Variants in EPHX2 observed in about 807,000 individuals in gnomAD.
EPHX2 encodes bifunctional epoxide hydrolase 2.
Under a neutral mutation model 78.7 loss-of-function variants are expected in EPHX2, and 74 were observed. That is an observed-to-expected ratio of 0.94 (90% CI 0.78 to 1.14). EPHX2 has a LOEUF of 1.14. Among genes scored for constraint, EPHX2 ranks in the 50% most tolerant of loss-of-function variants. EPHX2 has a pLI of 0.00. For synonymous variants in EPHX2, 251 were observed against 255.2 expected, an observed-to-expected ratio of 0.98 and a Z score of 0.16; for missense variants, 715 against 702.5, an observed-to-expected ratio of 1.02 and a Z score of -0.20.
At chr8:27,496,013 T>C (rs1285019158) in intron 1 of EPHX2, among the ~76,000 whole-genome samples, 1 of 152,168 alleles carries the variant, frequency 6.6e-6, no homozygotes, top group Non-Finnish European at 1.5e-5. Context: ...TATCTGGGGA[T>C]CCATAGTCGG....
At chr8:27,507,531 C>A (rs1043764684) in intron 5 of EPHX2, among the ~76,000 whole-genome samples, 1 of 152,178 alleles carries the variant, frequency 6.6e-6, no homozygotes, top group African/African-American at 2.4e-5. Context: ...GACCTGAGAT[C>A]GCTGATCTCA....
chr8:27,525,068 C>CTGTG (rs56963159), intron 11 of EPHX2, among the ~76,000 whole-genome samples: 6,690 of 131,072 alleles, frequency 0.051, 231 homozygotes, highest in South Asian at 0.13. Context: ...AGTATGTGTA[C>CTGTG]TGTGTGTGTG....
intron 12 of EPHX2, among the ~76,000 whole-genome samples, chr8:27,526,031 C>A (rs1489630233): frequency 1.3e-5 from 2 of 152,210 alleles, no homozygotes; most frequent in Non-Finnish European, 2.9e-5. Flanking sequence ...CCTACAGCTG[C>A]CCTCTTCTGT....
In EPHX2 at chr8:27,525,029, T is replaced by C. The variant is rs540343629; in HGVS notation, c.1059-333T>C. On this transcript the variant is annotated intron_variant, in intron 11 of 18. Coordinates refer to ENST00000521400, the MANE Select transcript of EPHX2 (RefSeq NM_001979.6). ...TATTTTAAAACTAGAGAGAGATTCG[T>C]GTCTCCATATTCTATCCAGGGTTGC... 6.8e-4 allele frequency among the ~76,000 whole-genome samples: 103 copies of C among 151,794 alleles called. 1 individual carries two copies. The highest frequency in any genetic ancestry group is 1.3e-3 in the Non-Finnish European group (88 of 67,956).
rs770473122 is a variant in EPHX2 at position 27,536,894 on chromosome 8, C to T, written c.1242+39C>T. Reference sequence around the variant, plus strand: ...ATGGGTGCAGAAGAACAGGAGGGGGCAGTTGTGAAGGAAGTAGGGTACCTA... The same window carrying T: ...ATGGGTGCAGAAGAACAGGAGGGGGTAGTTGTGAAGGAAGTAGGGTACCTA... On this transcript the variant is annotated intron_variant, in intron 13 of 18. Coordinates refer to ENST00000521400, the MANE Select transcript of EPHX2 (RefSeq NM_001979.6). 1.7e-5 allele frequency: 27 copies of T among 1,607,646 alleles called. No individual in the cohort carries two copies. The South Asian group carries it at 2.6e-4, about 16-fold the overall frequency.
intron 9 of EPHX2, among the ~76,000 whole-genome samples, chr8:27,520,611 C>T (rs1206469837): frequency 6.6e-6 from 1 of 152,196 alleles, no homozygotes; most frequent in Non-Finnish European, 1.5e-5. Context: ...TCCCAAAGTG[C>T]TGGGATTACA....
At chr8:27,494,332 G>A (rs1167984855) in intron 1 of EPHX2, among the ~76,000 whole-genome samples, 1 of 152,148 alleles carries the variant, frequency 6.6e-6, no homozygotes, top group African/African-American at 2.4e-5. Context: ...GAGGATTGTG[G>A]CCTCCAGGCA....
Position 27,541,482 on chromosome 8 carries a change from A to C in EPHX2, c.1389A>C (p.Leu463=). 1 of 1,614,164 alleles carries C rather than the reference A, an allele frequency of 6.2e-7. No individual in the cohort carries two copies. The highest frequency in any genetic ancestry group is 8.5e-7 in the Non-Finnish European group (1 of 1,179,992). Residue 463 remains leucine, a synonymous_variant, in exon 16 of 19, where the codon CTA becomes CTC. Transcript: ENST00000521400. The stretch of plus-strand genomic sequence containing the variant: ...TCTGATCTCTCCCCAGAGGTCCTCT[A>C]AACTGGTACCGAAACATGGAAAGGA... ...QFKKSGFRGP[L]NWYRNMERNW... is the part of the protein sequence containing the mutation.
rs747308108 is a variant in EPHX2 at position 27,503,637 on chromosome 8, T to C, written c.220T>C (p.Cys74Arg). Residue 74 changes from cysteine to arginine, a missense_variant, in exon 3 of 19, where the codon TGC (cysteine) becomes CGC (arginine). Transcript: ENST00000521400. ...IPLMEENCRK[C>R]SETAKVCLPK... ...ACTCATGGAAGAAAACTGCAGGAAG[T>C]GCTCCGAGACCGCTAAAGTCTGCCT... The C allele has an allele frequency of 1.2e-6, 2 of 1,613,234 alleles. No homozygotes were observed. The highest frequency in any genetic ancestry group is 1.7e-6 in the Non-Finnish European group (2 of 1,179,680).
intron 12 of EPHX2, among the ~76,000 whole-genome samples, chr8:27,533,044 G>A (rs778866699): frequency 3.9e-5 from 6 of 152,194 alleles, no homozygotes; most frequent in Non-Finnish European, 7.3e-5. Flanking sequence ...GAGTCCAGGA[G>A]TTTGAGGATG....
At chr8:27,507,806 A>T (rs925300780) in intron 5 of EPHX2, among the ~76,000 whole-genome samples, 4 of 152,190 alleles carry the variant, frequency 2.6e-5, no homozygotes, top group Admixed American at 6.5e-5. Context: ...TGGTTTCTCC[A>T]GAAGCCTCTC....
Position 27,515,681 on chromosome 8 carries a change from T to G in EPHX2, c.736-37T>G, listed in dbSNP as rs544775743. On this transcript the variant is annotated intron_variant, in intron 6 of 18. Transcript: ENST00000521400. The stretch of plus-strand genomic sequence containing the variant: ...TGGGGCCTGGGTCCACTGGGCCTGG[T>G]GCTTGGTCGCTGCCCTCTCCTCTTT... The G allele has an allele frequency of 5.7e-6, 9 of 1,587,228 alleles. No individual in the cohort carries two copies. The Admixed American group carries it at 6.7e-5, about 12-fold the overall frequency.
intron 9 of EPHX2, among the ~76,000 whole-genome samples, chr8:27,520,322 T>C (rs537257616): frequency 5.3e-5 from 8 of 151,734 alleles, no homozygotes; most frequent in African/African-American, 1.9e-4. Flanking sequence ...CCGGCCACCG[T>C]GCCCAGCTAA....
At chr8:27,534,243 C>T (rs183576805) in intron 12 of EPHX2, among the ~76,000 whole-genome samples, 1 of 152,348 alleles carries the variant, frequency 6.6e-6, no homozygotes, top group African/African-American at 2.4e-5. Flanking sequence ...TAGCTTTCAT[C>T]AGAAAATCTC....
intron 12 of EPHX2, among the ~76,000 whole-genome samples, chr8:27,526,185 C>T (rs1489722231): frequency 6.6e-6 from 1 of 152,234 alleles, no homozygotes; most frequent in Non-Finnish European, 1.5e-5. Context: ...TCCCAGCCTC[C>T]ACCTCTGCTC....
intron 12 of EPHX2, among the ~76,000 whole-genome samples, chr8:27,526,399 C>G (rs1190735353): frequency 1.3e-5 from 2 of 152,260 alleles, no homozygotes; most frequent in African/African-American, 2.4e-5. Flanking sequence ...CCACATACTA[C>G]AGGGAGGCCT....
intron 12 of EPHX2, 126 bp downstream of exon 12, chr8:27,525,599 C>A: frequency 1.2e-6 from 1 of 856,330 alleles, no homozygotes; most frequent in Non-Finnish European, 1.9e-6. Flanking sequence ...AATGATTTTA[C>A]AAATGGGCTC....
chr8:27,538,760 G>A, intron 14 of EPHX2, 68 bp downstream of exon 14: 1 of 1,550,330 alleles, frequency 6.5e-7, no homozygotes, highest in Non-Finnish European at 8.9e-7. Context: ...TTCTGTCTCT[G>A]ACTGCTATGG....
At chr8:27,526,579 A>G (rs1203236984) in intron 12 of EPHX2, among the ~76,000 whole-genome samples, 1 of 152,180 alleles carries the variant, frequency 6.6e-6, no homozygotes, top group African/African-American at 2.4e-5. Context: ...AACAAAGGCT[A>G]GGTAGCTCAA....
Sources: gnomAD v4.1 joint callset for allele counts (sites outside exome capture counted in the v4.1 genomes callset) on GRCh38, gnomAD v4.1.1 for gene constraint, MANE v1.5 for transcripts, NCBI Gene and HGNC (gene_info 2026-07-23, HGNC 2026-07-21) for gene names.